HPN: variants seen among roughly 807,000 people sequenced by gnomAD.
HPN encodes the protein serine protease hepsin.
Under a neutral mutation model 55.9 loss-of-function variants are expected in HPN, and 13 were observed. That is an observed-to-expected ratio of 0.23 (90% CI 0.15 to 0.37). HPN has a LOEUF of 0.37. Ranked by LOEUF, HPN falls within the 10% of genes least tolerant of loss-of-function variation. The pLI, the probability that HPN is intolerant of heterozygous loss-of-function variation, is 1.00. For synonymous variants in HPN, 225 were observed against 240.3 expected (o/e 0.94, Z 0.59); for missense variants, 451 against 575.8 (o/e 0.78, Z 2.22).
chr19:35,056,790 G>A (rs552401012), intron 4 of HPN, among the ~76,000 whole-genome samples: 21 of 152,262 alleles, frequency 1.4e-4, no homozygotes, highest in African/African-American at 3.6e-4. Context: ...TCCAGTTAAC[G>A]CTTGCTGAGT....
intron 4 of HPN, among the ~76,000 whole-genome samples, chr19:35,052,748 G>A (rs1274112996): frequency 2.6e-5 from 4 of 152,214 alleles, no homozygotes; most frequent in South Asian, 2.1e-4. Flanking sequence ...TACTCCTGGC[G>A]AACTCCAGGA....
chr19:35,048,045 AAAG>A (rs1193524348), intron 2 of HPN, among the ~76,000 whole-genome samples: 1 of 51,516 alleles, frequency 1.9e-5, no homozygotes, highest in South Asian at 6.1e-4. Flanking sequence ...AGAAAGAAAG[AAAG>A]AAAGAAAGAA....
chr19:35,061,252 C>G (rs558255132), intron 9 of HPN, among the ~76,000 whole-genome samples: 1 of 152,048 alleles, frequency 6.6e-6, no homozygotes, highest in South Asian at 2.1e-4. Flanking sequence ...AATCCCAGCA[C>G]TTTGGGAGGC....
At chr19:35,042,372 T>C (rs894689179) in intron 1 of HPN, 81 bp from the exon 2 acceptor site, 18 of 1,466,034 alleles carry the variant, frequency 1.2e-5, no homozygotes, top group Non-Finnish European at 1.4e-5. Context: ...CCTGCCTGGA[T>C]GGACGCCTGG....
chr19:35,045,645 C>T (rs945530157), intron 2 of HPN, among the ~76,000 whole-genome samples: 6 of 151,058 alleles, frequency 4.0e-5, no homozygotes, highest in African/African-American at 1.2e-4. Context: ...TTGATGTTGA[C>T]GTGCCGCCTG....
intron 2 of HPN, among the ~76,000 whole-genome samples, chr19:35,048,082 A>AAGAAAGAAAGAAAGAAAAAAAAGG (rs111546288): frequency 2.1e-5 from 2 of 96,984 alleles, no homozygotes; most frequent in Non-Finnish European, 4.2e-5. Flanking sequence ...GAAAGAAAGA[A>AAGAAAGAAAGAAAGAAAAAAAAGG]AAGGAAGGAA....
At chr19:35,062,714 C>T (rs949087346) in intron 9 of HPN, among the ~76,000 whole-genome samples, 1 of 152,074 alleles carries the variant, frequency 6.6e-6, no homozygotes, top group Non-Finnish European at 1.5e-5. Context: ...AAAACCCCAT[C>T]TCTACAAACA....
chr19:35,064,910 C>G (rs1429377611), intron 9 of HPN, among the ~76,000 whole-genome samples: 1 of 152,138 alleles, frequency 6.6e-6, no homozygotes, highest in Non-Finnish European at 1.5e-5. Flanking sequence ...CAACCTCCAC[C>G]TCCTGGGTTC....
chr19:35,042,222 CAGG>C, intron 1 of HPN: 2 of 1,302,288 alleles, frequency 1.5e-6, no homozygotes, highest in South Asian at 3.6e-5. Context: ...CCTGCTCCAC[CAGG>C]CTCAGGCATG....
chr19:35,040,931 C>T (rs979396782), upstream of HPN, among the ~76,000 whole-genome samples: 1 of 152,266 alleles, frequency 6.6e-6, no homozygotes, highest in South Asian at 2.1e-4. Flanking sequence ...CTATCTGGGG[C>T]AAGCAGCCGA....
At chr19:35,050,914 C>CTTTTTTTTTTTTT (rs5827917) in intron 4 of HPN, among the ~76,000 whole-genome samples, 64 of 90,446 alleles carry the variant, frequency 7.1e-4, no homozygotes, top group Non-Finnish European at 9.2e-4. Flanking sequence ...TTCTTTCTTT[C>CTTTTTTTTTTTTT]TTTTTTTTTT....
At chr19:35,054,862 G>C (rs1297834113) in intron 4 of HPN, among the ~76,000 whole-genome samples, 1 of 152,164 alleles carries the variant, frequency 6.6e-6, no homozygotes, top group African/African-American at 2.4e-5. Flanking sequence ...TGGAAGTCTT[G>C]CTTCTCCTTG....
rs749528981 is a variant in HPN, at chr19:35,041,906, G to A, written c.-55+34G>A. 4 of 1,315,684 alleles carry A rather than the reference G, an allele frequency of 3.0e-6. No homozygotes were observed. In the South Asian group the frequency reaches 3.6e-5, roughly 12 times the overall value. The allele number at this position is 1,315,684 out of a possible 1,614,324, so 81.5% of individuals were successfully genotyped here. ...AAGGGCCCCCAGACTCACAGTTCCAGCCCTGAGGACAGGGGTTCCCTCATC... is the reference window on the plus strand; with the variant it reads ...AAGGGCCCCCAGACTCACAGTTCCAACCCTGAGGACAGGGGTTCCCTCATC... On this transcript the variant is annotated intron_variant, in intron 1 of 12. Coordinates refer to ENST00000672452, the MANE Select transcript of HPN (RefSeq NM_001384133.1).
intron 4 of HPN, chr19:35,050,601 G>C: frequency 9.2e-7 from 1 of 1,092,688 alleles, no homozygotes; most frequent in Non-Finnish European, 1.2e-6. Context: ...ATGAATGAAT[G>C]AATCTTCCCA....
chr19:35,052,556 G>C (rs760103062), intron 4 of HPN, among the ~76,000 whole-genome samples: 6 of 135,994 alleles, frequency 4.4e-5, no homozygotes, highest in Admixed American at 2.8e-4. Context: ...AAAAAAAAAA[G>C]GCTGTGCAGT....
intron 4 of HPN, among the ~76,000 whole-genome samples, chr19:35,055,268 GC>G (rs796558921): frequency 2.3e-4 from 35 of 152,254 alleles, no homozygotes; most frequent in African/African-American, 8.4e-4. Context: ...GTGGTGGTAT[GC>G]CCCTGTGGTC....
upstream of HPN, chr19:35,041,707 C>A: frequency 8.7e-7 from 1 of 1,148,124 alleles, no homozygotes; most frequent in Non-Finnish European, 1.1e-6. Flanking sequence ...CCTCGCCCAG[C>A]CCCCTCCTCC....
At chr19:35,051,884 G>A (rs2064409219) in intron 4 of HPN, among the ~76,000 whole-genome samples, 1 of 152,098 alleles carries the variant, frequency 6.6e-6, no homozygotes, top group African/African-American at 2.4e-5. Flanking sequence ...CAGAGCGAAG[G>A]GATCACGCCC....
chr19:35,047,636 A>ACCT (rs10690630), intron 2 of HPN, among the ~76,000 whole-genome samples: 19,284 of 152,096 alleles, frequency 0.13, 1,173 homozygotes, highest in East Asian at 0.17. Flanking sequence ...GAACCTAGAA[A>ACCT]GGTGCCAGGC....
Sources: allele counts gnomAD v4.1 joint callset (sites outside exome capture counted in the v4.1 genomes callset), GRCh38; gene constraint gnomAD v4.1.1; transcripts MANE v1.5; gene names NCBI Gene and HGNC (gene_info 2026-07-23, HGNC 2026-07-21).